Variants in RYR3 observed in about 807,000 individuals in gnomAD.
The protein encoded by RYR3 is ryanodine receptor 3, also known as brain ryanodine receptor-calcium release channel.
In RYR3, 207 loss-of-function variants were observed where a neutral mutation model predicts 584.3. The ratio of observed to expected loss-of-function variants is 0.35; its 90% confidence interval spans 0.32 to 0.40. The LOEUF (loss-of-function observed/expected upper bound fraction) is 0.40. Among genes scored for constraint, RYR3 ranks in the 10% least tolerant of loss-of-function variants. The pLI, the probability that RYR3 is intolerant of heterozygous loss-of-function variation, is 1.00. For synonymous variants in RYR3, 2,416 were observed against 2,248.5 expected, an observed-to-expected ratio of 1.07 and a Z score of -2.11; for missense variants, 5,616 against 6,089.2, an observed-to-expected ratio of 0.92 and a Z score of 2.59.
chr15:33,419,168 TGGGCAGGGACTGAGAAGCAA>T (rs1201834772), intron 1 of RYR3, among the ~76,000 whole-genome samples: 1 of 152,158 alleles, frequency 6.6e-6, no homozygotes, highest in Non-Finnish European at 1.5e-5. Context: ...TGAGGAAGCC[TGGGCAGGGACTGAGAAGCAA>T]GAATTATTAG....
At chr15:33,644,210 A>T in intron 27 of RYR3, 101 bp from the exon 28 acceptor site, 1 of 824,562 alleles carries the variant, frequency 1.2e-6, no homozygotes, top group Non-Finnish European at 2.0e-6. Flanking sequence ...CATCTTTCCT[A>T]CTGGGAGTCA....
chr15:33,360,793 T>C (rs1974652062), intron 1 of RYR3, among the ~76,000 whole-genome samples: 1 of 152,218 alleles, frequency 6.6e-6, no homozygotes, highest in South Asian at 2.1e-4. Context: ...GTTTTGCATC[T>C]TTCATTGAAG....
intron 12 of RYR3, among the ~76,000 whole-genome samples, chr15:33,577,185 A>G (rs1230565155): frequency 6.6e-6 from 1 of 152,224 alleles, no homozygotes; most frequent in Non-Finnish European, 1.5e-5. Flanking sequence ...GAAAATGGCC[A>G]TACTGCCCAA....
At chr15:33,727,005 T>A (rs1430492655) in intron 46 of RYR3, among the ~76,000 whole-genome samples, 1 of 152,226 alleles carries the variant, frequency 6.6e-6, no homozygotes, top group African/African-American at 2.4e-5. Context: ...GACCTTGCTG[T>A]CCTCCTATGA....
At chr15:33,445,661 A>T (rs906735053) in intron 1 of RYR3, among the ~76,000 whole-genome samples, 8 of 124,376 alleles carry the variant, frequency 6.4e-5, no homozygotes, top group African/African-American at 9.7e-5. Context: ...CCTTTCCCCC[A>T]CCAACACACA....
At chr15:33,830,426 A>T (rs1337092669) in intron 85 of RYR3, among the ~76,000 whole-genome samples, 2 of 152,258 alleles carry the variant, frequency 1.3e-5, no homozygotes. Flanking sequence ...TTTTTTAAAG[A>T]CATAATGCTA....
intron 12 of RYR3, among the ~76,000 whole-genome samples, chr15:33,573,612 A>G (rs1412249189): frequency 6.6e-6 from 1 of 152,200 alleles, no homozygotes; most frequent in Admixed American, 6.5e-5. Flanking sequence ...CAACAAATAA[A>G]TCATTATGTT....
rs977574166 is a variant in RYR3 at position 33,412,315 on chromosome 15, T to G, written c.52-61104T>G. 3.3e-5 allele frequency among the ~76,000 whole-genome samples: 5 copies of G among 152,132 alleles called. No homozygotes were observed. The highest frequency in any genetic ancestry group is 1.2e-4 in the African/African-American group (5 of 41,428). On this transcript the variant is annotated intron_variant, in intron 1 of 103. Coordinates refer to ENST00000634891, the MANE Select transcript of RYR3 (RefSeq NM_001036.6). This position sits in a 1 kb window ranked among gnomAD's most constrained non-coding sequence, Gnocchi z 4.3. ...TGGCACGGACTTGCCAGTGACCTCT[T>G]CCAAGTGCCAAAGGTATGTTCTCAA...
chr15:33,722,799 A>T lies in RYR3; in HGVS notation c.6704A>T (p.Glu2235Val). ...TGCTTCGGCCCGGCCCTGCGGGGTG[A>T]GGGGGGAAACGGGCTCTTGGCAGCC... is the stretch of plus-strand genomic sequence containing the variant. Reference protein sequence around the residue: ...PECFGPALRGEGGNGLLAAMQ... With the variant: ...PECFGPALRGVGGNGLLAAMQ... Residue 2235 changes from glutamate to valine, a missense_variant, in exon 44 of 104, where the codon GAG becomes GTG. This residue lies in a region of RYR3 where 1,280 missense variants were observed against 1,426.2 expected (regional missense o/e 0.90). Transcript: ENST00000634891. 1 of 1,613,096 alleles carries T rather than the reference A, an allele frequency of 6.2e-7. No individual in the cohort carries two copies. The highest frequency in any genetic ancestry group is 8.5e-7 in the Non-Finnish European group (1 of 1,179,518).
intron 43 of RYR3, among the ~76,000 whole-genome samples, chr15:33,718,897 A>G (rs2067693687): frequency 6.6e-6 from 1 of 152,198 alleles, no homozygotes; most frequent in Non-Finnish European, 1.5e-5. Context: ...TTAGAACTCA[A>G]GCAGAAAGCA....
chr15:33,581,610 A>G lies in RYR3; in HGVS notation c.1540A>G (p.Lys514Glu), dbSNP rs1384738631. 1.2e-6 allele frequency: 2 copies of G among 1,613,822 alleles called. No individual in the cohort carries two copies. Among genetic ancestry groups the G allele is most frequent in the Non-Finnish European group, 1.7e-6 (2 of 1,179,728 alleles). Reference sequence around the variant, plus strand: ...AAGGGAAGAGAGTGGCATGGCCTGGAAAGAAATTCTGAACCTCCTCTACAA... The same window carrying G: ...AAGGGAAGAGAGTGGCATGGCCTGGGAAGAAATTCTGAACCTCCTCTACAA... ...IAREESGMAW[K>E]EILNLLYKLL... The change falls in exon 14 of 104, where the codon AAA (lysine) becomes GAA (glutamate). Residue 514 changes from lysine (K) to glutamate (E), a missense_variant. By Grantham distance (56) the Lys-to-Glu change is moderately conservative. Coordinates refer to ENST00000634891, the MANE Select transcript of RYR3 (RefSeq NM_001036.6).
intron 101 of RYR3, 142 bp from the exon 102 acceptor site, chr15:33,860,936 G>A (rs1887971484): frequency 3.4e-6 from 2 of 593,844 alleles, no homozygotes; most frequent in African/African-American, 2.4e-5. Context: ...GCCAATGTAT[G>A]GCACTACTGA....
chr15:33,729,305 G>A (rs774970910), intron 47 of RYR3, among the ~76,000 whole-genome samples: 17 of 152,108 alleles, frequency 1.1e-4, no homozygotes, highest in Non-Finnish European at 1.9e-4. Context: ...ATTGTAGAAC[G>A]TGTAGCAACA....
chr15:33,830,393 T>C (rs1348668798), intron 85 of RYR3, among the ~76,000 whole-genome samples: 1 of 152,248 alleles, frequency 6.6e-6, no homozygotes, highest in Non-Finnish European at 1.5e-5. Flanking sequence ...ATAAAGTATT[T>C]TTTAATGATG....
intron 3 of RYR3, among the ~76,000 whole-genome samples, chr15:33,517,904 T>C (rs933642635): frequency 3.3e-5 from 5 of 152,212 alleles, no homozygotes; most frequent in African/African-American, 1.2e-4. Flanking sequence ...AATAATAGAA[T>C]GAGACTTTAT....
intron 51 of RYR3, among the ~76,000 whole-genome samples, chr15:33,741,111 GGCTCTGTGTTAT>G (rs1188472797): frequency 6.6e-6 from 1 of 152,226 alleles, no homozygotes; most frequent in Admixed American, 6.5e-5. Context: ...GTGTGTTAAT[GGCTCTGTGTTAT>G]TTTGAGAGTT....
At chr15:33,552,096 G>A (rs1381391032) in intron 10 of RYR3, among the ~76,000 whole-genome samples, 1 of 152,150 alleles carries the variant, frequency 6.6e-6, no homozygotes, top group Non-Finnish European at 1.5e-5. Flanking sequence ...TTAGAGCAAT[G>A]ACCTCGAGGT....
intron 18 of RYR3, among the ~76,000 whole-genome samples, chr15:33,611,373 G>A (rs143775363): frequency 0.067 from 10,198 of 151,884 alleles, 537 homozygotes; most frequent in East Asian, 0.15. Flanking sequence ...TGGCTAACAC[G>A]GTGAAACCCC....
Position 33,660,210 on chromosome 15 carries a change from T to C in RYR3, c.4409T>C (p.Leu1470Pro). 9 of 1,551,932 alleles carry C rather than the reference T, an allele frequency of 5.8e-6. No homozygotes were observed. Among genetic ancestry groups the C allele is most frequent in the Non-Finnish European group, 7.8e-6 (9 of 1,147,040 alleles). Residue 1470 changes from leucine (L) to proline (P), a missense_variant, in exon 34 of 104, where the codon CTG (leucine) becomes CCG (proline). This residue lies in a region of RYR3 where 753 missense variants were observed against 741.0 expected (regional missense o/e 1.02). Coordinates refer to ENST00000634891, the MANE Select transcript of RYR3 (RefSeq NM_001036.6). ...CACGTGCCCCAGAACGCAATGCCCC[T>C]GTCAGCGGCCATATTCAGGAGTGAA... ...ELGKLKNAMPLSAAIFRSEEK... is the reference protein window; with the variant it reads ...ELGKLKNAMPPSAAIFRSEEK...
Sources: allele counts gnomAD v4.1 joint callset (sites outside exome capture counted in the v4.1 genomes callset), GRCh38; gene constraint gnomAD v4.1.1; regional missense constraint gnomAD v4.1.1; non-coding constraint Gnocchi (gnomAD v3.1); transcripts MANE v1.5; gene names NCBI Gene and HGNC (gene_info 2026-07-23, HGNC 2026-07-21).